Variants in UBL3 observed in about 807,000 individuals in gnomAD.
UBL3 encodes the protein ubiquitin-like protein 3.
Under a neutral mutation model 18.4 loss-of-function variants are expected in UBL3, and 6 were observed. The ratio of observed to expected loss-of-function variants is 0.33; its 90% CI spans 0.18 to 0.64. UBL3 has a LOEUF of 0.64. Ranked by LOEUF, UBL3 falls within the 30% of genes least tolerant of loss-of-function variation. UBL3 has a pLI of 0.76. For missense variants in UBL3, 109 were observed against 142.9 expected, an observed-to-expected ratio of 0.76 and a Z score of 1.21; for synonymous variants, 49 against 46.6, an observed-to-expected ratio of 1.05 and a Z score of -0.21.
intron 1 of UBL3, among the ~76,000 whole-genome samples, chr13:29,829,642 G>A (rs1364701422): frequency 6.6e-6 from 1 of 152,186 alleles, no homozygotes; most frequent in African/African-American, 2.4e-5. Context: ...CTTCCCGGGT[G>A]AGGTGATGCC....
chr13:29,780,424 T>TTATATA (rs386378666), intron 1 of UBL3, among the ~76,000 whole-genome samples: 13 of 125,184 alleles, frequency 1.0e-4, no homozygotes, highest in East Asian at 2.1e-4. Flanking sequence ...ATATAATAAG[T>TTATATA]TATATATATA....
At chr13:29,844,700 C>A (rs1879187998) in intron 1 of UBL3, among the ~76,000 whole-genome samples, 1 of 152,002 alleles carries the variant, frequency 6.6e-6, no homozygotes, top group Non-Finnish European at 1.5e-5. Context: ...TTTTTCCCTC[C>A]CAGAATAAGA....
intron 1 of UBL3, among the ~76,000 whole-genome samples, chr13:29,783,724 T>C (rs1313922772): frequency 1.3e-5 from 2 of 152,152 alleles, no homozygotes; most frequent in Non-Finnish European, 2.9e-5. Context: ...GAAAGGCCTT[T>C]TTACTTCTTT....
rs75447721 is a variant in UBL3, at chr13:29,808,625, C to T, written c.28-31362G>A. ...CATATATATTAATTCTATGGATACC[C>T]ACACCACCCTCATTGTCTCATTTTG... On this transcript the variant is annotated intron_variant, in intron 1 of 4. Transcript: ENST00000380680. Among the ~76,000 whole-genome samples, 670 of 152,134 alleles carry T rather than the reference C, an allele frequency of 4.4e-3. 20 individuals carry two copies. The East Asian group carries it at 0.097, about 22-fold the overall frequency.
chr13:29,844,609 A>C (rs1468564603), intron 1 of UBL3, among the ~76,000 whole-genome samples: 1 of 152,174 alleles, frequency 6.6e-6, no homozygotes, highest in Non-Finnish European at 1.5e-5. Context: ...TCAACCTCCA[A>C]GTATTCAGAA....
intron 1 of UBL3, among the ~76,000 whole-genome samples, chr13:29,800,327 G>T (rs1877727002): frequency 6.6e-6 from 1 of 152,188 alleles, no homozygotes; most frequent in African/African-American, 2.4e-5. Flanking sequence ...TCCTAACCCT[G>T]ACTGAATGAG....
At chr13:29,816,015 G>A (rs1404486080) in intron 1 of UBL3, among the ~76,000 whole-genome samples, 3 of 152,122 alleles carry the variant, frequency 2.0e-5, no homozygotes, top group South Asian at 4.1e-4. Context: ...TTAGGTAGGT[G>A]CTCAGGGCTA....
At chr13:29,796,296 G>T (rs930184722) in intron 1 of UBL3, among the ~76,000 whole-genome samples, 5 of 152,034 alleles carry the variant, frequency 3.3e-5, no homozygotes, top group Admixed American at 6.5e-5. Context: ...CAAAAAATTA[G>T]TCCCAGTTTT....
At chr13:29,822,964 G>A (rs1878505086) in intron 1 of UBL3, among the ~76,000 whole-genome samples, 1 of 151,942 alleles carries the variant, frequency 6.6e-6, no homozygotes, top group African/African-American at 2.4e-5. Flanking sequence ...TAAAAAATGT[G>A]GAGCGTAGAG....
At position 29,829,816 on chromosome 13, in the gene UBL3, C is replaced by T. The variant is rs181281824; in HGVS notation, c.27+19696G>A. ...GCTGTAGACTGGTGCTGTTCCTATT[C>T]GGCCATCTTGGAACCACCCCCTACT... On this transcript the variant is annotated intron_variant, in intron 1 of 4. Transcript: ENST00000380680. 5.3e-5 allele frequency among the ~76,000 whole-genome samples: 8 copies of T among 152,242 alleles called. No homozygotes were observed. In the East Asian group the frequency reaches 9.6e-4, roughly 18 times the overall value.
intron 1 of UBL3, among the ~76,000 whole-genome samples, chr13:29,807,852 G>A (rs916961910): frequency 6.6e-6 from 1 of 152,096 alleles, no homozygotes; most frequent in Non-Finnish European, 1.5e-5. Context: ...ATCTTTGGGA[G>A]GTAACAATAT....
chr13:29,772,324 C>A, intron 2 of UBL3, 126 bp from the exon 3 acceptor site: 1 of 581,842 alleles, frequency 1.7e-6, no homozygotes, highest in South Asian at 3.3e-5. Flanking sequence ...CTTCCTACTA[C>A]TATTAGAAAC....
intron 1 of UBL3, among the ~76,000 whole-genome samples, chr13:29,800,330 T>C (rs1052482208): frequency 6.6e-6 from 1 of 152,208 alleles, no homozygotes; most frequent in Non-Finnish European, 1.5e-5. Flanking sequence ...TAACCCTGAC[T>C]GAATGAGTTA....
At chr13:29,817,198 A>C (rs1878303978) in intron 1 of UBL3, among the ~76,000 whole-genome samples, 2 of 152,238 alleles carry the variant, frequency 1.3e-5, no homozygotes, top group African/African-American at 4.8e-5. Context: ...TTCTGGAGTA[A>C]ATAAATAAAA....
At chr13:29,781,906 G>C (rs1393160161) in intron 1 of UBL3, among the ~76,000 whole-genome samples, 1 of 149,750 alleles carries the variant, frequency 6.7e-6, no homozygotes, top group African/African-American at 2.5e-5. Flanking sequence ...GCTGAGGCAG[G>C]AGGATTACTT....
chr13:29,806,749 C>A (rs1410526677), intron 1 of UBL3, among the ~76,000 whole-genome samples: 2 of 152,134 alleles, frequency 1.3e-5, no homozygotes, highest in Non-Finnish European at 1.5e-5. Context: ...GTGATCACTG[C>A]CTGAAGGGAT....
intron 2 of UBL3, among the ~76,000 whole-genome samples, chr13:29,772,634 A>G (rs1455621889): frequency 6.6e-6 from 1 of 152,120 alleles, no homozygotes; most frequent in Non-Finnish European, 1.5e-5. Flanking sequence ...GATCTAAAAA[A>G]CAGTTAATAT....
chr13:29,800,018 A>C (rs1305672341), intron 1 of UBL3, among the ~76,000 whole-genome samples: 1 of 152,168 alleles, frequency 6.6e-6, no homozygotes, highest in Non-Finnish European at 1.5e-5. Flanking sequence ...ATTTTCTAGG[A>C]TGACTAGGGC....
rs1047864977 is a variant in UBL3 at position 29,783,359 on chromosome 13, T to G, written c.28-6096A>C. ...TTAATAGATATAGACAATTAACAGA[T>G]TGGTCTTAATTGGGCCTATGCTTAT... On this transcript the variant is annotated intron_variant, in intron 1 of 4. Coordinates refer to ENST00000380680, the MANE Select transcript of UBL3 (RefSeq NM_007106.4). Among the ~76,000 whole-genome samples, 7 of 152,236 alleles carry G rather than the reference T, an allele frequency of 4.6e-5. No individual in the cohort carries two copies. In the East Asian group the frequency reaches 1.3e-3, roughly 29 times the overall value.
Sources: gnomAD v4.1 joint callset for allele counts (sites outside exome capture counted in the v4.1 genomes callset) on GRCh38, gnomAD v4.1.1 for gene constraint, MANE v1.5 for transcripts, NCBI Gene and HGNC (gene_info 2026-07-23, HGNC 2026-07-21) for gene names.